PCDHGA9: variants seen among roughly 807,000 people sequenced by gnomAD.
PCDHGA9 encodes protocadherin gamma subfamily A, 9.
PCDHGA9 carries 37 observed loss-of-function variants against 62.5 expected under a neutral mutation model. That is an observed-to-expected ratio of 0.59 (90% CI 0.46 to 0.78). The LOEUF (loss-of-function observed/expected upper bound fraction) is 0.78, where lower values mean the gene tolerates loss of function less well. Among genes scored for constraint, PCDHGA9 ranks in the 30% least tolerant of loss-of-function variants. The probability of loss-of-function intolerance (pLI) is 0.00; values close to 1 mark genes in which losing one functional copy is unlikely to be tolerated. For missense variants in PCDHGA9, 1,138 were observed against 1,166.2 expected (o/e 0.98, Z 0.35); for synonymous variants, 459 against 484.6 (o/e 0.95, Z 0.69).
intron 1 of PCDHGA9, chr5:141,412,235 A>T (rs2095544372): frequency 6.6e-6 from 1 of 152,260 alleles, no homozygotes. Flanking sequence ...AAAAACCTAT[A>T]TCACTACATC....
chr5:141,428,121 G>A (rs764584436), intron 1 of PCDHGA9: 2 of 1,605,742 alleles, frequency 1.2e-6, no homozygotes, highest in Admixed American at 1.7e-5. Flanking sequence ...CATCGAGCCC[G>A]GGCTTTTCAG....
intron 1 of PCDHGA9, chr5:141,428,461 G>A: frequency 2.8e-6 from 1 of 352,014 alleles, no homozygotes; most frequent in South Asian, 2.8e-5. Flanking sequence ...CAACTACAAT[G>A]AGGGAACTTT....
intron 1 of PCDHGA9, among the ~76,000 whole-genome samples, chr5:141,481,820 C>T (rs2099545799): frequency 6.6e-6 from 1 of 150,726 alleles, no homozygotes; most frequent in Non-Finnish European, 1.5e-5. Context: ...GGCGTGGTGG[C>T]TGAGGCAGGA....
intron 1 of PCDHGA9, chr5:141,417,066 T>C (rs1373522268): frequency 6.6e-6 from 1 of 152,110 alleles, no homozygotes; most frequent in Non-Finnish European, 1.5e-5. Context: ...ACATTGTAGC[T>C]ATTGTGAGAA....
At chr5:141,454,344 G>A (rs1455147295) in intron 1 of PCDHGA9, among the ~76,000 whole-genome samples, 3 of 152,236 alleles carry the variant, frequency 2.0e-5, no homozygotes, top group Non-Finnish European at 4.4e-5. Flanking sequence ...AATGTTGGAA[G>A]TTGATCCAAA....
chr5:141,476,772 G>A lies in PCDHGA9; in HGVS notation c.2425-18035G>A. 1 of 1,613,650 alleles carries A rather than the reference G, an allele frequency of 6.2e-7. No homozygotes were observed. Among genetic ancestry groups the A allele is most frequent in the South Asian group, 1.1e-5 (1 of 91,086 alleles). ...CAGTTAGTGCTGACGGCGTTGGACG[G>A]AGGGACCCCAGCTCTCTCCGCCAGC... is the stretch of plus-strand genomic sequence containing the variant. On this transcript the variant is annotated intron_variant, in intron 1 of 3. Coordinates refer to ENST00000573521, the MANE Select transcript of PCDHGA9 (RefSeq NM_018921.3). The surrounding 1 kb of genome is among the most constrained non-coding windows in gnomAD (Gnocchi z 7.6).
rs1688094877 is a variant in PCDHGA9 at position 141,432,625 on chromosome 5, C to T, written c.2424+27249C>T. 1.2e-6 allele frequency: 2 copies of T among 1,613,240 alleles called. No individual in the cohort carries two copies. The highest frequency in any genetic ancestry group is 1.7e-6 in the Non-Finnish European group (2 of 1,179,778). ...CGGGACTCTTCTCGGTGGGTCTGCA[C>T]ACGGGCGAGGTGCGCACGGCGCGAG... On this transcript the variant is annotated intron_variant, in intron 1 of 3. Coordinates refer to ENST00000573521, the MANE Select transcript of PCDHGA9 (RefSeq NM_018921.3). The surrounding 1 kb of genome is among the most constrained non-coding windows in gnomAD (Gnocchi z 6.0).
At chr5:141,430,781 C>T (rs559701152) in intron 1 of PCDHGA9, 6 of 1,510,922 alleles carry the variant, frequency 4.0e-6, no homozygotes, top group South Asian at 2.7e-5. Context: ...GCGACTGCAC[C>T]GGGACTACAA....
Position 141,511,159 on chromosome 5 carries a change from AAGG to A in PCDHGA9, c.2788_2790del (p.Glu930del), listed in dbSNP as rs1477173987. 3 of 1,614,186 alleles carry A rather than the reference AAGG, an allele frequency of 1.9e-6. No individual in the cohort carries two copies. The highest frequency in any genetic ancestry group is 2.2e-5 in the East Asian group (1 of 44,872). On this transcript the variant is annotated inframe_deletion, in exon 4 of 4. Coordinates refer to ENST00000573521, the MANE Select transcript of PCDHGA9 (RefSeq NM_018921.3). ...TGGCAACAAGAAGAAGTCGGGCAAG[AAGG>A]AGAAGAAGTAACATGGAGGCCAGGC... is the stretch of plus-strand genomic sequence containing the variant.
chr5:141,403,419 A>G lies in PCDHGA9; in HGVS notation c.467A>G (p.Glu156Gly). The change falls in exon 1 of 4, where the codon GAA becomes GGA. Residue 156 changes from glutamate to glycine, a missense_variant. Coordinates refer to ENST00000573521, the MANE Select transcript of PCDHGA9 (RefSeq NM_018921.3). ...AVPGARYPLP[E>G]AIDPDVGVNS... Reference sequence around the variant, plus strand: ...CCTGGAGCACGTTATCCACTTCCAGAAGCTATTGATCCGGATGTTGGCGTG... The same window carrying G: ...CCTGGAGCACGTTATCCACTTCCAGGAGCTATTGATCCGGATGTTGGCGTG... 1 of 1,614,050 alleles carries G rather than the reference A, an allele frequency of 6.2e-7. No individual in the cohort carries two copies. Among genetic ancestry groups the G allele is most frequent in the Non-Finnish European group, 8.5e-7 (1 of 1,179,904 alleles).
chr5:141,477,551 C>A lies in PCDHGA9; in HGVS notation c.2425-17256C>A. The A allele has an allele frequency of 6.2e-7, 1 of 1,614,178 alleles. No homozygotes were observed. The highest frequency in any genetic ancestry group is 1.3e-5 in the African/African-American group (1 of 75,032). ...CCTCCCCGGGGCTCCAATACTAAAC[C>A]TAAGTGTCTGGGACCCCGACGCCCC... is the stretch of plus-strand genomic sequence containing the variant. On this transcript the variant is annotated intron_variant, in intron 1 of 3. Transcript: ENST00000573521. The surrounding 1 kb of genome is among the most constrained non-coding windows in gnomAD (Gnocchi z 4.9).
rs141958687 is a variant in PCDHGA9 at position 141,509,744 on chromosome 5, G to A, written c.2573-1203G>A. 3.3e-3 allele frequency among the ~76,000 whole-genome samples: 509 copies of A among 152,266 alleles called. 3 individuals are homozygous for A. The highest frequency in any genetic ancestry group is 5.5e-3 in the Non-Finnish European group (372 of 68,024). On this transcript the variant is annotated intron_variant, in intron 3 of 3. Coordinates refer to ENST00000573521, the MANE Select transcript of PCDHGA9 (RefSeq NM_018921.3). ...CACCTAGCTGTGGCACTCTGAGCCT[G>A]TGCCTAAAGTGTCCCTGAGATGTCT...
chr5:141,500,184 TTTTA>T (rs58019021), intron 2 of PCDHGA9, among the ~76,000 whole-genome samples: 6,359 of 135,894 alleles, frequency 0.047, 285 homozygotes, highest in African/African-American at 0.12. Context: ...TCATTTTTAT[TTTTA>T]TTTATTTATT....
chr5:141,407,497 G>GTTTTTTTTTTTTTTTTTTTTTTTTT (rs1554102286), intron 1 of PCDHGA9, among the ~76,000 whole-genome samples: 1 of 151,974 alleles, frequency 6.6e-6, no homozygotes, highest in African/African-American at 2.4e-5. Context: ...CTTTATTTCT[G>GTTTTTTTTTTTTTTTTTTTTTTTTT]TTTTTCTTAG....
chr5:141,433,256 C>T, intron 1 of PCDHGA9: 2 of 1,385,666 alleles, frequency 1.4e-6, no homozygotes, highest in Non-Finnish European at 2.0e-6. Context: ...TGCAGCGGTA[C>T]GATCATAGCT....
chr5:141,475,550 T>G (rs2099365082), intron 1 of PCDHGA9, among the ~76,000 whole-genome samples: 1 of 152,246 alleles, frequency 6.6e-6, no homozygotes, highest in Non-Finnish European at 1.5e-5. Flanking sequence ...AGGGTCCGGC[T>G]AATTGTCTGT....
intron 1 of PCDHGA9, among the ~76,000 whole-genome samples, chr5:141,461,366 A>G (rs1186381077): frequency 6.6e-6 from 1 of 151,964 alleles, no homozygotes; most frequent in Non-Finnish European, 1.5e-5. Flanking sequence ...TTGTGGTTTT[A>G]ATTTGCATTT....
At chr5:141,433,869 T>C (rs1293077938) in intron 1 of PCDHGA9, among the ~76,000 whole-genome samples, 8 of 151,960 alleles carry the variant, frequency 5.3e-5, no homozygotes, top group Non-Finnish European at 7.4e-5. Flanking sequence ...TATCCTCTAG[T>C]TTCATCCATT....
At chr5:141,420,722 A>G (rs1428516588) in intron 1 of PCDHGA9, among the ~76,000 whole-genome samples, 1 of 152,226 alleles carries the variant, frequency 6.6e-6, no homozygotes, top group African/African-American at 2.4e-5. Context: ...CGTTCCTTTC[A>G]GTCGGTTAAA....
Sources: allele counts gnomAD v4.1 joint callset (sites outside exome capture counted in the v4.1 genomes callset), GRCh38; gene constraint gnomAD v4.1.1; non-coding constraint Gnocchi (gnomAD v3.1); transcripts MANE v1.5; gene names NCBI Gene and HGNC (gene_info 2026-07-23, HGNC 2026-07-21).